The following RALGPS1 variants were observed in gnomAD, a reference collection of about 807,000 sequenced individuals.
The protein encoded by RALGPS1 is Ral GEF with PH domain and SH3 binding motif 1.
A neutral mutation model predicts 78.8 loss-of-function variants in RALGPS1; 19 were observed. That is an observed-to-expected ratio of 0.24 (90% CI 0.17 to 0.35). The LOEUF (loss-of-function observed/expected upper bound fraction) is 0.35. Among genes scored for constraint, RALGPS1 ranks in the 10% least tolerant of loss-of-function variants. RALGPS1 has a pLI of 1.00. For missense variants in RALGPS1, 454 were observed against 688.3 expected (o/e 0.66, Z 3.81); for synonymous variants, 228 against 256.3 (o/e 0.89, Z 1.06).
At chr9:127,141,265 T>C (rs1326698956) in intron 8 of RALGPS1, among the ~76,000 whole-genome samples, 2 of 152,062 alleles carry the variant, frequency 1.3e-5, no homozygotes, top group African/African-American at 4.8e-5. Context: ...TACAGTAAGG[T>C]GTAAACTCTG....
intron 8 of RALGPS1, chr9:127,093,840 G>A (rs1010689162): frequency 1.2e-6 from 2 of 1,614,140 alleles, no homozygotes; most frequent in Non-Finnish European, 1.7e-6. Context: ...ACCTGCATGA[G>A]GCGGTTGGTG....
chr9:127,213,734 A>C (rs1212808148), intron 17 of RALGPS1: 2 of 152,584 alleles, frequency 1.3e-5, no homozygotes, highest in Non-Finnish European at 1.5e-5. Context: ...GCATTTTCAC[A>C]CCTTAACAGG....
chr9:127,055,354 G>A (rs956180374), intron 7 of RALGPS1, among the ~76,000 whole-genome samples: 3 of 152,176 alleles, frequency 2.0e-5, no homozygotes, highest in African/African-American at 7.2e-5. Context: ...GAGTAGTTGG[G>A]ACTACAGGCC....
chr9:127,066,767 C>G (rs2049744831), intron 7 of RALGPS1, among the ~76,000 whole-genome samples: 2 of 152,114 alleles, frequency 1.3e-5, no homozygotes, highest in Admixed American at 1.3e-4. Flanking sequence ...TGCTGCCTCT[C>G]TATATAGCTT....
chr9:127,080,175 A>G (rs1414185732), intron 8 of RALGPS1, among the ~76,000 whole-genome samples: 1 of 152,162 alleles, frequency 6.6e-6, no homozygotes, highest in Non-Finnish European at 1.5e-5. Context: ...GAGGGCCTGG[A>G]ATGTTACCCT....
At chr9:127,021,974 C>G (rs1184751173) in intron 4 of RALGPS1, among the ~76,000 whole-genome samples, 2 of 151,956 alleles carry the variant, frequency 1.3e-5, no homozygotes, top group Non-Finnish European at 2.9e-5. Context: ...CTTCCTGACC[C>G]TAAGTCTGTA....
chr9:127,163,497 T>C (rs1389855227), intron 8 of RALGPS1, among the ~76,000 whole-genome samples: 1 of 152,224 alleles, frequency 6.6e-6, no homozygotes, highest in Non-Finnish European at 1.5e-5. Flanking sequence ...TGGAAATGGC[T>C]CCTGTGAGAA....
intron 8 of RALGPS1, among the ~76,000 whole-genome samples, chr9:127,098,629 C>G (rs917831355): frequency 2.0e-5 from 3 of 152,076 alleles, no homozygotes; most frequent in Non-Finnish European, 4.4e-5. Context: ...ACTGCCATAC[C>G]CTGGTAAGTG....
intron 8 of RALGPS1, among the ~76,000 whole-genome samples, chr9:127,095,402 C>CA (rs967713376): frequency 6.6e-6 from 1 of 152,004 alleles, no homozygotes. Context: ...GACTCCGTCT[C>CA]AAAAAAATAA....
intron 4 of RALGPS1, among the ~76,000 whole-genome samples, chr9:126,984,780 G>C (rs1465363351): frequency 2.0e-5 from 3 of 152,098 alleles, no homozygotes; most frequent in Non-Finnish European, 4.4e-5. Context: ...AGATCCCCAG[G>C]GTTATGTTGT....
At chr9:127,194,783 G>T (rs974777399) in intron 11 of RALGPS1, among the ~76,000 whole-genome samples, 1 of 152,222 alleles carries the variant, frequency 6.6e-6, no homozygotes, top group Non-Finnish European at 1.5e-5. Flanking sequence ...TCATGCCATG[G>T]TGAAGCAGGG....
intron 8 of RALGPS1, among the ~76,000 whole-genome samples, chr9:127,121,538 A>G (rs562437360): frequency 1.3e-5 from 2 of 152,228 alleles, no homozygotes; most frequent in Non-Finnish European, 2.9e-5. Flanking sequence ...TGACACACAT[A>G]TCATAGAAGG....
At chr9:127,179,493 C>T (rs2060083897) in intron 11 of RALGPS1, among the ~76,000 whole-genome samples, 1 of 152,194 alleles carries the variant, frequency 6.6e-6, no homozygotes, top group African/African-American at 2.4e-5. Flanking sequence ...GCAGGCTTCC[C>T]TGGCTCCTCA....
intron 17 of RALGPS1, 100 bp downstream of exon 17, chr9:127,213,149 T>A (rs2062375089): frequency 6.6e-7 from 1 of 1,524,236 alleles, no homozygotes. Flanking sequence ...TTGAGGCTGC[T>A]GCCTTCCCTT....
chr9:127,194,135 A>G (rs1047722392), intron 11 of RALGPS1, among the ~76,000 whole-genome samples: 4 of 152,226 alleles, frequency 2.6e-5, no homozygotes, highest in Non-Finnish European at 4.4e-5. Context: ...TAATAAATTA[A>G]GTATGAGGGC....
intron 1 of RALGPS1, among the ~76,000 whole-genome samples, chr9:126,946,783 C>A (rs1053627821): frequency 6.6e-6 from 1 of 152,090 alleles, no homozygotes; most frequent in East Asian, 1.9e-4. Flanking sequence ...TCTTGATGTT[C>A]CCTTTAAGCC....
chr9:127,049,563 A>G (rs1403957569), intron 5 of RALGPS1, among the ~76,000 whole-genome samples: 1 of 152,202 alleles, frequency 6.6e-6, no homozygotes, highest in Admixed American at 6.5e-5. Flanking sequence ...GCAAATATTG[A>G]TGAATCCTCC....
intron 1 of RALGPS1, among the ~76,000 whole-genome samples, chr9:126,917,136 G>C (rs1258851829): frequency 6.6e-6 from 1 of 152,138 alleles, no homozygotes; most frequent in African/African-American, 2.4e-5. Flanking sequence ...TGGTGCAGTG[G>C]TGACCCAGTA....
intron 11 of RALGPS1, among the ~76,000 whole-genome samples, chr9:127,182,919 A>G (rs1327013832): frequency 1.3e-5 from 2 of 152,176 alleles, no homozygotes; most frequent in African/African-American, 4.8e-5. Context: ...CCAGTTCTGC[A>G]AGCTTTACAA....
Sources: allele counts gnomAD v4.1 joint callset (sites outside exome capture counted in the v4.1 genomes callset), GRCh38; gene constraint gnomAD v4.1.1; transcripts MANE v1.5; gene names NCBI Gene and HGNC (gene_info 2026-07-23, HGNC 2026-07-21).